C13orf42: variants seen among roughly 807,000 people sequenced by gnomAD.
C13orf42 encodes the protein uncharacterized protein C13orf42.
intron 1 of C13orf42, among the ~76,000 whole-genome samples, chr13:51,107,084 C>T (rs541061502): frequency 2.0e-5 from 3 of 152,368 alleles, no homozygotes; most frequent in African/African-American, 4.8e-5. Flanking sequence ...AGGCTCACCT[C>T]GCTTCTAGTG....
chr13:51,092,467 G>C (rs771915159), intron 1 of C13orf42, among the ~76,000 whole-genome samples: 3 of 151,898 alleles, frequency 2.0e-5, no homozygotes, highest in Admixed American at 2.0e-4. Context: ...AGGCACCTGA[G>C]AAAAAAACTT....
chr13:51,139,335 T>A (rs916078838), intron 1 of C13orf42, among the ~76,000 whole-genome samples: 1 of 151,830 alleles, frequency 6.6e-6, no homozygotes, highest in South Asian at 2.1e-4. Context: ...AATAAAATAG[T>A]CAAACTCATG....
At position 51,139,745 on chromosome 13, in the gene C13orf42, T is replaced by A. The variant is rs771292047; in HGVS notation, n.137-26523A>T. Among the ~76,000 whole-genome samples the A allele has an allele frequency of 3.3e-5, 5 of 152,174 alleles. No homozygotes were observed. The South Asian group carries it at 8.3e-4, about 25-fold the overall frequency. ...GGCAACATCAAGAAGTTATCCTATATGGTCTAAAAAGGGGAGGCATGAATA... is the reference window on the plus strand; with the variant it reads ...GGCAACATCAAGAAGTTATCCTATAAGGTCTAAAAAGGGGAGGCATGAATA... On this transcript the variant is annotated intron_variant and non_coding_transcript_variant, in intron 1 of 4. Transcript: ENST00000433280.
intron 1 of C13orf42, among the ~76,000 whole-genome samples, chr13:51,102,867 C>T (rs117383502): frequency 3.9e-5 from 6 of 152,240 alleles, no homozygotes; most frequent in East Asian, 1.9e-4. Flanking sequence ...CTTCTTCATA[C>T]GGTGTCAGGA....
intron 1 of C13orf42, among the ~76,000 whole-genome samples, chr13:51,166,335 C>T (rs1052977774): frequency 2.0e-5 from 3 of 150,404 alleles, no homozygotes; most frequent in Admixed American, 6.7e-5. Flanking sequence ...AGTAAACTAT[C>T]GCAAGAACAA....
chr13:51,134,984 C>T (rs111712561), intron 1 of C13orf42, among the ~76,000 whole-genome samples: 2,833 of 152,292 alleles, frequency 0.019, 90 homozygotes, highest in African/African-American at 0.058. Flanking sequence ...ATGCCAGGTA[C>T]ACATGCAGTC....
intron 1 of C13orf42, among the ~76,000 whole-genome samples, chr13:51,164,910 A>C (rs1182313415): frequency 6.6e-6 from 1 of 152,204 alleles, no homozygotes; most frequent in Non-Finnish European, 1.5e-5. Context: ...TTGGCTTTAC[A>C]TACGCTGACT....
chr13:51,163,563 G>A (rs570817443), intron 1 of C13orf42, among the ~76,000 whole-genome samples: 1 of 152,124 alleles, frequency 6.6e-6, no homozygotes, highest in African/African-American at 2.4e-5. Flanking sequence ...TTTTCACTTA[G>A]CAAACTCCAC....
At chr13:51,109,254 G>C (rs1321795035) in intron 1 of C13orf42, among the ~76,000 whole-genome samples, 1 of 152,160 alleles carries the variant, frequency 6.6e-6, no homozygotes, top group East Asian at 1.9e-4. Flanking sequence ...GAAACCAATT[G>C]GGTTAGGCCA....
At chr13:51,164,852 C>G (rs4245354) in intron 1 of C13orf42, among the ~76,000 whole-genome samples, 104,998 of 152,076 alleles carry the variant, frequency 0.69, 36,451 homozygotes, top group East Asian at 0.92. Context: ...GGACTGAGAT[C>G]AGGAAAGATG....
intron 1 of C13orf42, among the ~76,000 whole-genome samples, chr13:51,101,642 A>G (rs1226106805): frequency 6.6e-6 from 1 of 152,252 alleles, no homozygotes; most frequent in Non-Finnish European, 1.5e-5. Flanking sequence ...AGCATCTACC[A>G]TGTGCCTAAA....
At chr13:51,137,746 T>G (rs1303057409) in intron 1 of C13orf42, among the ~76,000 whole-genome samples, 1 of 152,210 alleles carries the variant, frequency 6.6e-6, no homozygotes, top group African/African-American at 2.4e-5. Flanking sequence ...TTGTAAAAAC[T>G]CTGGAAGTTT....
intron 1 of C13orf42, among the ~76,000 whole-genome samples, chr13:51,171,805 C>A (rs1953955654): frequency 6.6e-6 from 1 of 152,130 alleles, no homozygotes; most frequent in Non-Finnish European, 1.5e-5. Context: ...AAAAATCCAG[C>A]CCAGTTCATG....
At chr13:51,096,089 A>G (rs538324166) in intron 1 of C13orf42, among the ~76,000 whole-genome samples, 2 of 152,222 alleles carry the variant, frequency 1.3e-5, no homozygotes, top group Non-Finnish European at 2.9e-5. Flanking sequence ...CTCGAAATAC[A>G]TCACAGATTT....
intron 2 of C13orf42, among the ~76,000 whole-genome samples, chr13:51,086,305 C>CAA (rs1208668818): frequency 8.6e-4 from 51 of 59,528 alleles, no homozygotes; most frequent in African/African-American, 1.7e-3. Context: ...GACTCCGTCT[C>CAA]AAAAAAAAAA....
At chr13:51,118,743 A>G (rs1953510873) in intron 1 of C13orf42, among the ~76,000 whole-genome samples, 2 of 152,188 alleles carry the variant, frequency 1.3e-5, no homozygotes, top group Non-Finnish European at 2.9e-5. Flanking sequence ...TGTATATGGC[A>G]TAATTATGAA....
At chr13:51,160,495 G>A (rs1032001635) in intron 1 of C13orf42, among the ~76,000 whole-genome samples, 1 of 152,170 alleles carries the variant, frequency 6.6e-6, no homozygotes, top group African/African-American at 2.4e-5. Context: ...GGCAACAAGA[G>A]CAAAACTCCG....
chr13:51,122,300 G>A (rs887347206), intron 1 of C13orf42, among the ~76,000 whole-genome samples: 11 of 151,996 alleles, frequency 7.2e-5, no homozygotes, highest in Middle Eastern at 6.8e-3. Flanking sequence ...TTGGGAGGCC[G>A]AGGCAGGTGG....
At chr13:51,143,326 GA>G (rs796368478) in intron 1 of C13orf42, among the ~76,000 whole-genome samples, 3 of 152,274 alleles carry the variant, frequency 2.0e-5, no homozygotes, top group Admixed American at 6.5e-5. Context: ...GGCCCATTTT[GA>G]AAGATAAAAT....
Sources: gnomAD v4.1 joint callset for allele counts (sites outside exome capture counted in the v4.1 genomes callset) on GRCh38, gnomAD v4.1.1 for gene constraint, MANE v1.5 for transcripts, NCBI Gene and HGNC (gene_info 2026-07-23, HGNC 2026-07-21) for gene names.